Variants in XPOT observed in about 807,000 individuals in gnomAD.
The protein encoded by XPOT is exportin for tRNA.
Under a neutral mutation model 128.2 loss-of-function variants are expected in XPOT, and 34 were observed. That is an observed-to-expected ratio of 0.27 (90% CI 0.20 to 0.35). The LOEUF (loss-of-function observed/expected upper bound fraction) is 0.35. Among genes scored for constraint, XPOT ranks in the 10% least tolerant of loss-of-function variants. The pLI is 1.00. For synonymous variants in XPOT, 348 were observed against 394.3 expected (o/e 0.88, Z 1.39); for missense variants, 838 against 1,125.3 (o/e 0.74, Z 3.65).
chr12:64,424,752 C>T, intron 12 of XPOT, 29 bp downstream of exon 12: 1 of 1,609,110 alleles, frequency 6.2e-7, no homozygotes, highest in Non-Finnish European at 8.5e-7. Context: ...TTGTAACAAG[C>T]CTACTTCTTT....
At chr12:64,439,111 A>C (rs780153362) in intron 22 of XPOT, 133 bp from the exon 23 acceptor site, 4 of 744,924 alleles carry the variant, frequency 5.4e-6, no homozygotes, top group South Asian at 5.3e-5. Context: ...AAACCAAGGC[A>C]GTCTGGCTCT....
Position 64,425,068 on chromosome 12 carries a change from T to A in XPOT, c.1338T>A (p.Val446=), listed in dbSNP as rs1216454144. The stretch of plus-strand genomic sequence containing the variant: ...GGCAGACTACACGGTTTATGGAAGT[T>A]GAAGTAGCAATAAGATTGCTGTATA... The part of the protein sequence containing the change: ...QNWQTTRFME[V]EVAIRLLYML... The change falls in exon 13 of 25, where the codon GTT becomes GTA. Residue 446 remains valine (V), a synonymous_variant. Transcript: ENST00000332707. 6.2e-7 allele frequency: 1 copy of A among 1,612,866 alleles called. No individual in the cohort carries two copies. The highest frequency in any genetic ancestry group is 1.1e-5 in the South Asian group (1 of 91,036).
intron 22 of XPOT, 79 bp from the exon 23 acceptor site, chr12:64,439,165 G>A (rs2040305607): frequency 7.5e-7 from 1 of 1,338,482 alleles, no homozygotes; most frequent in Non-Finnish European, 1.1e-6. Flanking sequence ...CCTTTAAAGT[G>A]TACATGTATT....
intron 16 of XPOT, among the ~76,000 whole-genome samples, chr12:64,428,602 T>C (rs2040212356): frequency 6.6e-6 from 1 of 152,020 alleles, no homozygotes; most frequent in African/African-American, 2.4e-5. Flanking sequence ...AATATTTTGG[T>C]GTTGGGATTG....
intron 4 of XPOT, among the ~76,000 whole-genome samples, chr12:64,417,669 A>G (rs1023701446): frequency 7.2e-5 from 11 of 152,254 alleles, no homozygotes; most frequent in African/African-American, 2.4e-4. Flanking sequence ...AAGTAGCTGC[A>G]TGGGCACTTG....
At position 64,404,466 on chromosome 12, in the gene XPOT, A is replaced by AGCGGCGGCGGCGGCT. The variant is rs1026688977; in HGVS notation, c.-398_-384dup. The AGCGGCGGCGGCGGCT allele has an allele frequency of 1.6e-3, 251 of 157,904 alleles. 1 individual carries two copies. Among genetic ancestry groups the AGCGGCGGCGGCGGCT allele is most frequent in the East Asian group, 5.6e-4 (3 of 5,400 alleles). The allele number at this position is 157,904 out of a possible 1,614,324, so 9.8% of individuals were successfully genotyped here. On this transcript the variant is annotated 5_prime_UTR_variant, in exon 1 of 25. Transcript: ENST00000332707. Reference sequence around the variant, plus strand: ...CGGGGAGCGCGCTTCGCGCTGACTCAGCGGCGGCGGCGGCTGCGGCGGCGG... The same window carrying AGCGGCGGCGGCGGCT: ...CGGGGAGCGCGCTTCGCGCTGACTCAGCGGCGGCGGCGGCTGCGGCGGCGGCGGCTGCGGCGGCGG...
At chr12:64,411,626 T>C (rs2040039255) in intron 2 of XPOT, among the ~76,000 whole-genome samples, 1 of 152,216 alleles carries the variant, frequency 6.6e-6, no homozygotes, top group South Asian at 2.1e-4. Flanking sequence ...TTAGCCAATC[T>C]GAATAACAAT....
At position 64,437,919 on chromosome 12, in the gene XPOT, C is replaced by T. The variant is rs117713979; in HGVS notation, c.2734-1325C>T. On this transcript the variant is annotated intron_variant, in intron 22 of 24. Transcript: ENST00000332707. Reference sequence around the variant, plus strand: ...TGCTTGAACCCAGGAAGTGAGGTTGCAGTGAGCTGAGATCGTGGCACTGCA... The same window carrying T: ...TGCTTGAACCCAGGAAGTGAGGTTGTAGTGAGCTGAGATCGTGGCACTGCA... 8.6e-4 allele frequency among the ~76,000 whole-genome samples: 131 copies of T among 152,242 alleles called. 1 individual carries two copies. The East Asian group carries it at 0.025, about 29-fold the overall frequency.
At chr12:64,422,220 G>A (rs545381784) in intron 9 of XPOT, among the ~76,000 whole-genome samples, 1 of 152,300 alleles carries the variant, frequency 6.6e-6, no homozygotes, top group South Asian at 2.1e-4. Context: ...TTATCAATAT[G>A]ATATTAGATG....
Position 64,433,740 on chromosome 12 carries a change from C to G in XPOT, c.2452+137C>G, listed in dbSNP as rs562046702. The G allele has an allele frequency of 2.6e-5, 20 of 764,564 alleles. No individual in the cohort carries two copies. The South Asian group carries it at 5.7e-4, about 22-fold the overall frequency. 47.4% of individuals were successfully genotyped at this position (764,564 alleles called of 1,614,324 possible). A position where few individuals can be genotyped will look rare whatever the true frequency, so the allele number is the denominator to read the frequency against. The stretch of plus-strand genomic sequence containing the variant: ...CCATGGGAAGACAGTTTATTGTTTT[C>G]AGGGTGGGAATTGATCACTTTTATG... On this transcript the variant is annotated intron_variant, in intron 19 of 24. Coordinates refer to ENST00000332707, the MANE Select transcript of XPOT (RefSeq NM_007235.6).
intron 24 of XPOT, among the ~76,000 whole-genome samples, chr12:64,447,303 GA>G (rs1420259314): frequency 6.6e-6 from 1 of 152,072 alleles, no homozygotes; most frequent in East Asian, 1.9e-4. Flanking sequence ...GTGCTCACCT[GA>G]CCTGCCATGG....
chr12:64,412,098 A>T (rs2040043608), intron 2 of XPOT, among the ~76,000 whole-genome samples: 1 of 137,086 alleles, frequency 7.3e-6, no homozygotes. Flanking sequence ...ATCTTGGCTC[A>T]CAGCAACCTC....
chr12:64,423,282 A>C, intron 11 of XPOT, 38 bp downstream of exon 11: 1 of 1,299,902 alleles, frequency 7.7e-7, no homozygotes, highest in Non-Finnish European at 1.1e-6. Flanking sequence ...AGGAGTTTTA[A>C]TTTTATTATT....
chr12:64,414,959 G>T lies in XPOT; in HGVS notation c.113G>T (p.Cys38Phe). Residue 38 changes from cysteine to phenylalanine, a missense_variant, in exon 3 of 25, where the codon TGT becomes TTT. This residue lies in a region of XPOT where 761 missense variants were observed against 988.3 expected (regional missense o/e 0.77). Coordinates refer to ENST00000332707, the MANE Select transcript of XPOT (RefSeq NM_007235.6). ...ATTTCCCCAGATGCCTGGCAGGTGT[G>T]TGCAGAAGCTCTAGCCCAGAGGACA... ...LKISPDAWQVCAEALAQRTYS... is the reference protein window; with the variant it reads ...LKISPDAWQVFAEALAQRTYS... The T allele has an allele frequency of 6.2e-7, 1 of 1,613,556 alleles. No homozygotes were observed. Among genetic ancestry groups the T allele is most frequent in the Non-Finnish European group, 8.5e-7 (1 of 1,179,688 alleles).
chr12:64,420,953 A>G (rs2040133177), intron 8 of XPOT, among the ~76,000 whole-genome samples: 1 of 152,092 alleles, frequency 6.6e-6, no homozygotes, highest in Admixed American at 6.6e-5. Context: ...GGCGCATGCC[A>G]CTACACCCGG....
At chr12:64,434,450 A>G (rs113816384) in intron 19 of XPOT, 57 bp from the exon 20 acceptor site, 8 of 1,170,508 alleles carry the variant, frequency 6.8e-6, no homozygotes, top group African/African-American at 3.0e-5. Context: ...AGAGAACTTC[A>G]GGTTGCTTTC....
intron 11 of XPOT, among the ~76,000 whole-genome samples, chr12:64,424,008 C>G (rs2040167603): frequency 6.6e-6 from 1 of 152,076 alleles, no homozygotes; most frequent in Non-Finnish European, 1.5e-5. Flanking sequence ...GTATTTGCTG[C>G]TAAGCTTTGT....
chr12:64,425,248 T>C, intron 13 of XPOT, 66 bp downstream of exon 13: 1 of 1,609,010 alleles, frequency 6.2e-7, no homozygotes, highest in Non-Finnish European at 8.5e-7. Context: ...TGGGAGTTCC[T>C]TAATTGTTAG....
intron 24 of XPOT, 144 bp from the exon 25 acceptor site, chr12:64,447,961 G>T: frequency 1.4e-6 from 1 of 715,176 alleles, no homozygotes. Flanking sequence ...TCTTAGCTTG[G>T]ATTACATACG....
Sources: allele counts gnomAD v4.1 joint callset (sites outside exome capture counted in the v4.1 genomes callset), GRCh38; gene constraint gnomAD v4.1.1; regional missense constraint gnomAD v4.1.1; transcripts MANE v1.5; gene names NCBI Gene and HGNC (gene_info 2026-07-23, HGNC 2026-07-21).